GABBR2: variants seen among roughly 807,000 people sequenced by gnomAD.
GABBR2 encodes gamma-aminobutyric acid type B receptor subunit 2.
In GABBR2, 23 loss-of-function variants were observed where a neutral mutation model predicts 105.6. The ratio of observed to expected loss-of-function variants is 0.22; its 90% CI spans 0.16 to 0.31. The LOEUF is 0.31. Among genes scored for constraint, GABBR2 ranks in the 10% least tolerant of loss-of-function variants. The pLI, the probability that GABBR2 is intolerant of heterozygous loss-of-function variation, is 1.00. For missense variants in GABBR2, 734 were observed against 1,245.5 expected (o/e 0.59, Z 6.18); for synonymous variants, 478 against 499.7 (o/e 0.96, Z 0.58).
intron 7 of GABBR2, among the ~76,000 whole-genome samples, chr9:98,430,225 G>A (rs538942361): frequency 2.0e-4 from 29 of 148,250 alleles, no homozygotes; most frequent in African/African-American, 7.0e-4. Context: ...GGGAGGTGGA[G>A]ATTGCAGTGA....
intron 1 of GABBR2, among the ~76,000 whole-genome samples, chr9:98,637,482 T>A (rs1405639503): frequency 2.0e-5 from 3 of 152,118 alleles, no homozygotes; most frequent in African/African-American, 7.2e-5. Flanking sequence ...CAATGGGGAA[T>A]TAGATTGAAG....
At chr9:98,639,472 C>T (rs879827670) in intron 1 of GABBR2, among the ~76,000 whole-genome samples, 1 of 152,244 alleles carries the variant, frequency 6.6e-6, no homozygotes, top group East Asian at 1.9e-4. Flanking sequence ...TCCCCCACCA[C>T]CCCTGGGAGA....
At chr9:98,333,752 A>G (rs7849698) in intron 13 of GABBR2, among the ~76,000 whole-genome samples, 4,973 of 152,324 alleles carry the variant, frequency 0.033, 242 homozygotes, top group African/African-American at 0.11. Flanking sequence ...AATTCAGCCC[A>G]GTACACTAAC....
chr9:98,632,187 A>C (rs550959326), intron 1 of GABBR2, among the ~76,000 whole-genome samples: 1 of 152,316 alleles, frequency 6.6e-6, no homozygotes, highest in South Asian at 2.1e-4. Flanking sequence ...TGAAAGAAGT[A>C]TGTCCTAGTG....
intron 13 of GABBR2, among the ~76,000 whole-genome samples, chr9:98,332,028 C>T (rs948913061): frequency 3.3e-5 from 5 of 152,190 alleles, no homozygotes; most frequent in Non-Finnish European, 7.3e-5. Context: ...GCCTATGGAG[C>T]AATTTCCCAT....
Position 98,489,729 on chromosome 9 carries a change from C to T in GABBR2, c.732+6684G>A, listed in dbSNP as rs533289927. ...GCGACCATCACACAATTGGGATGGCCCAGTGCCCTCTCTACAGAGGAAGAC... is the reference window on the plus strand; with the variant it reads ...GCGACCATCACACAATTGGGATGGCTCAGTGCCCTCTCTACAGAGGAAGAC... On this transcript the variant is annotated intron_variant, in intron 4 of 18. Coordinates refer to ENST00000259455, the MANE Select transcript of GABBR2 (RefSeq NM_005458.8). Among the ~76,000 whole-genome samples the T allele has an allele frequency of 1.2e-3, 181 of 152,008 alleles. 7 individuals are homozygous for T. In the South Asian group the frequency reaches 0.037, roughly 31 times the overall value.
At chr9:98,408,159 C>T (rs1832522605) in intron 7 of GABBR2, among the ~76,000 whole-genome samples, 1 of 152,084 alleles carries the variant, frequency 6.6e-6, no homozygotes, top group African/African-American at 2.4e-5. Context: ...GCTTTCCAGC[C>T]CTTGGGAAGC....
At chr9:98,360,698 G>A (rs115490555) in intron 13 of GABBR2, among the ~76,000 whole-genome samples, 1,831 of 152,300 alleles carry the variant, frequency 0.012, 46 homozygotes, top group African/African-American at 0.042. Context: ...GCAGGTAAGA[G>A]CCATGATAGC....
chr9:98,686,577 G>T (rs1830623434), intron 1 of GABBR2, among the ~76,000 whole-genome samples: 1 of 152,096 alleles, frequency 6.6e-6, no homozygotes, highest in East Asian at 1.9e-4. Context: ...TGTATTTTTG[G>T]TAGAGATGGG....
rs138823219 is a variant in GABBR2 at position 98,618,246 on chromosome 9, C to T, written c.322-40174G>A. Reference sequence around the variant, plus strand: ...CCTCTAAATGGCTTAATCATAGGCACCCTCGGAAGGGGAACCACACTTGGC... The same window carrying T: ...CCTCTAAATGGCTTAATCATAGGCATCCTCGGAAGGGGAACCACACTTGGC... On this transcript the variant is annotated intron_variant, in intron 1 of 18. Coordinates refer to ENST00000259455, the MANE Select transcript of GABBR2 (RefSeq NM_005458.8). Among the ~76,000 whole-genome samples, 5 of 152,252 alleles carry T rather than the reference C, an allele frequency of 3.3e-5. No individual in the cohort carries two copies. In the East Asian group the frequency reaches 7.7e-4, roughly 24 times the overall value.
intron 1 of GABBR2, among the ~76,000 whole-genome samples, chr9:98,700,866 CA>C (rs1442473435): frequency 6.6e-6 from 1 of 152,196 alleles, no homozygotes; most frequent in East Asian, 1.9e-4. Flanking sequence ...GGGAGACTCA[CA>C]ATACAAAAGT....
At chr9:98,385,847 G>A (rs902293177) in intron 10 of GABBR2, 75 bp from the exon 11 acceptor site, 5 of 1,173,382 alleles carry the variant, frequency 4.3e-6, no homozygotes, top group South Asian at 2.5e-5. Flanking sequence ...TTTTCTAAAC[G>A]CCTGCTAGAT....
chr9:98,675,851 G>T (rs1384802979), intron 1 of GABBR2, among the ~76,000 whole-genome samples: 1 of 152,192 alleles, frequency 6.6e-6, no homozygotes, highest in Non-Finnish European at 1.5e-5. Context: ...ACCAAATGTT[G>T]CTGTATTCAA....
intron 1 of GABBR2, among the ~76,000 whole-genome samples, chr9:98,702,274 A>T (rs1182891869): frequency 1.3e-5 from 2 of 151,476 alleles, no homozygotes; most frequent in Non-Finnish European, 3.0e-5. Flanking sequence ...TCTGCCAATG[A>T]CACACCCCCT....
At chr9:98,626,021 G>A (rs1171701834) in intron 1 of GABBR2, among the ~76,000 whole-genome samples, 2 of 152,216 alleles carry the variant, frequency 1.3e-5, no homozygotes, top group Non-Finnish European at 2.9e-5. Context: ...GAGGCCCTGG[G>A]AGAACAATAG....
At chr9:98,644,574 G>T (rs1040086035) in intron 1 of GABBR2, among the ~76,000 whole-genome samples, 3 of 152,180 alleles carry the variant, frequency 2.0e-5, no homozygotes, top group African/African-American at 7.2e-5. Context: ...GGGCGTGGTG[G>T]CTCATGCCTG....
chr9:98,399,587 T>C (rs1832354219), intron 8 of GABBR2, among the ~76,000 whole-genome samples: 1 of 152,012 alleles, frequency 6.6e-6, no homozygotes, highest in South Asian at 2.1e-4. Context: ...CCAACCCCCA[T>C]ACCCAACCAG....
intron 6 of GABBR2, among the ~76,000 whole-genome samples, chr9:98,465,554 C>T (rs1208510020): frequency 6.6e-6 from 1 of 152,190 alleles, no homozygotes; most frequent in Non-Finnish European, 1.5e-5. Flanking sequence ...ATGAAGGAGG[C>T]TGTGTATAAA....
At chr9:98,326,867 T>G (rs1830933377) in intron 13 of GABBR2, among the ~76,000 whole-genome samples, 1 of 152,234 alleles carries the variant, frequency 6.6e-6, no homozygotes, top group South Asian at 2.1e-4. Flanking sequence ...GAGAAAAGTA[T>G]TATTTCCTCT....
Sources: allele counts gnomAD v4.1 joint callset (sites outside exome capture counted in the v4.1 genomes callset), GRCh38; gene constraint gnomAD v4.1.1; transcripts MANE v1.5; gene names NCBI Gene and HGNC (gene_info 2026-07-23, HGNC 2026-07-21).